SYNPO2: variants seen among roughly 807,000 people sequenced by gnomAD.
SYNPO2 encodes the protein synaptopodin-2.
A neutral mutation model predicts 85.0 loss-of-function variants in SYNPO2; 56 were observed. That is an observed-to-expected ratio of 0.66 (90% confidence interval 0.53 to 0.82). SYNPO2 has a LOEUF of 0.82. Ranked by LOEUF, SYNPO2 falls within the 40% of genes least tolerant of loss-of-function variation. The pLI is 0.00. For synonymous variants in SYNPO2, 602 were observed against 591.1 expected (o/e 1.02, Z -0.27); for missense variants, 1,575 against 1,534.2 (o/e 1.03, Z -0.44).
intron 1 of SYNPO2, among the ~76,000 whole-genome samples, chr4:118,863,164 C>G (rs1033340770): frequency 6.6e-6 from 1 of 152,176 alleles, no homozygotes; most frequent in East Asian, 1.9e-4. Context: ...CAGGGCAATA[C>G]TGGCCTCATA....
intron 1 of SYNPO2, among the ~76,000 whole-genome samples, chr4:119,014,522 G>A (rs1252979555): frequency 6.6e-6 from 1 of 152,104 alleles, no homozygotes; most frequent in South Asian, 2.1e-4. Flanking sequence ...AAGTACTTAT[G>A]TTAACATGCA....
intron 1 of SYNPO2, among the ~76,000 whole-genome samples, chr4:118,990,455 A>G (rs1394523827): frequency 6.6e-6 from 1 of 152,104 alleles, no homozygotes; most frequent in Non-Finnish European, 1.5e-5. Flanking sequence ...TTATACACCA[A>G]ATATTGTGCC....
intron 1 of SYNPO2, among the ~76,000 whole-genome samples, chr4:118,997,804 T>C (rs1428829605): frequency 6.6e-6 from 1 of 152,248 alleles, no homozygotes; most frequent in African/African-American, 2.4e-5. Flanking sequence ...AAAGACACAT[T>C]CTTTCCTTAG....
At chr4:119,025,924 T>G (rs922571206) in intron 2 of SYNPO2, among the ~76,000 whole-genome samples, 3 of 152,054 alleles carry the variant, frequency 2.0e-5, no homozygotes, top group Admixed American at 2.0e-4. Context: ...AGCTGAGAGA[T>G]AAAGGAACAG....
chr4:118,888,031 C>G (rs113790073), upstream of SYNPO2, among the ~76,000 whole-genome samples: 2 of 152,132 alleles, frequency 1.3e-5, no homozygotes, highest in African/African-American at 4.8e-5. Context: ...TATACAAAAT[C>G]TGCTTTTATA....
rs562490702 is a variant in SYNPO2, at chr4:118,873,458, T to A, written c.12+22518T>A. On this transcript the variant is annotated intron_variant, in intron 1 of 4. Coordinates refer to the SYNPO2 transcript ENST00000610556. ...TGCATTTCTCTGATTATCAGTGATGTGTAGCATTTTTCATATGCCTAGTGG... is the reference window on the plus strand; with the variant it reads ...TGCATTTCTCTGATTATCAGTGATGAGTAGCATTTTTCATATGCCTAGTGG... Among the ~76,000 whole-genome samples the A allele has an allele frequency of 1.1e-3, 173 of 152,340 alleles. 1 individual carries two copies. The highest frequency in any genetic ancestry group is 2.0e-3 in the Non-Finnish European group (139 of 68,010).
intron 4 of SYNPO2, chr4:119,042,229 C>A (rs1346446495): frequency 6.6e-6 from 1 of 151,208 alleles, no homozygotes; most frequent in African/African-American, 2.4e-5. Context: ...TTTGAATATT[C>A]TTTTTTTAAA....
intron 1 of SYNPO2, among the ~76,000 whole-genome samples, chr4:118,962,388 T>C (rs530661286): frequency 6.6e-6 from 1 of 152,168 alleles, no homozygotes; most frequent in Non-Finnish European, 1.5e-5. Flanking sequence ...GCTAAAAATG[T>C]TCCTGCAAAG....
At chr4:119,051,186 A>ATGTGT (rs376359189) in intron 4 of SYNPO2, among the ~76,000 whole-genome samples, 1 of 100,720 alleles carries the variant, frequency 9.9e-6, no homozygotes, top group South Asian at 3.6e-4. Context: ...ATGGGAAGCA[A>ATGTGT]TTTTTTTTTT....
intron 1 of SYNPO2, among the ~76,000 whole-genome samples, chr4:118,874,106 T>G (rs1403756483): frequency 1.3e-5 from 2 of 152,244 alleles, no homozygotes; most frequent in Non-Finnish European, 2.9e-5. Context: ...CCATGCTGTT[T>G]TGGCTACTAT....
In SYNPO2 at chr4:119,027,416, C is replaced by A. The variant is rs796072406; in HGVS notation, c.1047C>A (p.His349Gln). ...PRSEKDHSRP[H>Q]KHRARHARLR... ...CGGAAAAAGATCACAGCAGACCTCA[C>A]AAGCACCGAGCGCGGCATGCACGTA... is the stretch of plus-strand genomic sequence containing the variant. Residue 349 changes from histidine (H) to glutamine (Q), a missense_variant, in exon 3 of 5, where the codon CAC (histidine) becomes CAA (glutamine). Physicochemically the swap from His to Gln is conservative, Grantham distance 24. Transcript: ENST00000307142. 6.2e-6 allele frequency: 10 copies of A among 1,603,428 alleles called. No homozygotes were observed. The highest frequency in any genetic ancestry group is 1.3e-5 in the African/African-American group (1 of 74,848).
intron 1 of SYNPO2, among the ~76,000 whole-genome samples, chr4:118,856,522 A>G (rs1474718464): frequency 6.6e-6 from 1 of 151,902 alleles, no homozygotes; most frequent in Non-Finnish European, 1.5e-5. Context: ...ATTTTATTTT[A>G]TTTCATTTTA....
intron 4 of SYNPO2, chr4:119,033,390 C>A (rs576176023): frequency 9.5e-5 from 94 of 985,302 alleles, no homozygotes; most frequent in Non-Finnish European, 1.1e-4. Flanking sequence ...ATTGGCCACA[C>A]ACCATGTTGT....
chr4:119,034,613 G>T (rs1738426324), intron 4 of SYNPO2: 2 of 985,460 alleles, frequency 2.0e-6, no homozygotes, highest in Non-Finnish European at 1.2e-6. Flanking sequence ...GGACCATACA[G>T]TCCCACTTTA....
upstream of SYNPO2, among the ~76,000 whole-genome samples, chr4:118,885,527 C>T (rs1207575316): frequency 2.0e-5 from 3 of 148,516 alleles, no homozygotes; most frequent in Non-Finnish European, 4.4e-5. Flanking sequence ...GGCTGGAGTG[C>T]AGTGGTACGG....
chr4:118,978,729 G>A (rs1210190990), intron 1 of SYNPO2, among the ~76,000 whole-genome samples: 1 of 151,440 alleles, frequency 6.6e-6, no homozygotes, highest in Non-Finnish European at 1.5e-5. Flanking sequence ...ATGATGCCAG[G>A]ACTTTAAGAC....
chr4:118,917,178 C>T (rs889201733), intron 1 of SYNPO2, among the ~76,000 whole-genome samples: 6 of 152,038 alleles, frequency 3.9e-5, no homozygotes, highest in Middle Eastern at 3.2e-3. Flanking sequence ...GATCGCCTGA[C>T]GTCAGGAGTT....
chr4:118,857,614 T>G (rs1225878638), intron 1 of SYNPO2, among the ~76,000 whole-genome samples: 2 of 152,212 alleles, frequency 1.3e-5, no homozygotes, highest in Non-Finnish European at 2.9e-5. Context: ...TCTGTGAAAT[T>G]ACTAACATTT....
chr4:118,950,325 CA>C (rs1338606038), intron 1 of SYNPO2, among the ~76,000 whole-genome samples: 1 of 152,012 alleles, frequency 6.6e-6, no homozygotes, highest in African/African-American at 2.4e-5. Flanking sequence ...AGATAATTAC[CA>C]TTGAAAAGAT....
Sources: gnomAD v4.1 joint callset for allele counts (sites outside exome capture counted in the v4.1 genomes callset) on GRCh38, gnomAD v4.1.1 for gene constraint, MANE v1.5 for transcripts, NCBI Gene and HGNC (gene_info 2026-07-23, HGNC 2026-07-21) for gene names.